Variants in BDP1 observed in about 807,000 individuals in gnomAD.
BDP1 encodes BDP1 general transcription factor IIIB subunit.
In BDP1, 169 loss-of-function variants were observed where a neutral mutation model predicts 266.6. That is an observed-to-expected ratio of 0.63 (90% CI 0.56 to 0.72). BDP1 has a LOEUF of 0.72. Among genes scored for constraint, BDP1 ranks in the 30% least tolerant of loss-of-function variants. The pLI, the probability that BDP1 is intolerant of heterozygous loss-of-function variation, is 0.00. For synonymous variants in BDP1, 1,090 were observed against 1,022.4 expected, an observed-to-expected ratio of 1.07 and a Z score of -1.26; for missense variants, 3,015 against 3,053.8, an observed-to-expected ratio of 0.99 and a Z score of 0.30.
At chr5:71,513,810 C>G (rs2150483482) in intron 19 of BDP1, among the ~76,000 whole-genome samples, 1 of 152,156 alleles carries the variant, frequency 6.6e-6, no homozygotes, top group African/African-American at 2.4e-5. Context: ...ACTTCCACCT[C>G]CCAGGTTCAA....
chr5:71,558,774 C>T (rs1214457471), intron 36 of BDP1, among the ~76,000 whole-genome samples: 1 of 150,558 alleles, frequency 6.6e-6, no homozygotes, highest in African/African-American at 2.4e-5. Context: ...TGCGGTGAGC[C>T]GAGATTGCGC....
intron 7 of BDP1, among the ~76,000 whole-genome samples, chr5:71,481,060 G>A (rs1289269594): frequency 6.6e-6 from 1 of 151,844 alleles, no homozygotes; most frequent in Non-Finnish European, 1.5e-5. Flanking sequence ...TGTAGTCCCA[G>A]CTACTTGGGA....
intron 14 of BDP1, 137 bp downstream of exon 14, chr5:71,501,790 G>C (rs1236933287): frequency 9.8e-6 from 6 of 611,378 alleles, no homozygotes; most frequent in East Asian, 8.4e-5. Context: ...TTCAACCATA[G>C]GTGGTTTTGA....
chr5:71,548,750 G>T lies in BDP1; in HGVS notation c.6808+5G>T. ...TCAATCCTCAAGACCTAACAGGTAT[G>T]ATAATATGCTTCAGTGACATGTCAT... is the stretch of plus-strand genomic sequence containing the variant. On this transcript the variant is annotated splice_donor_5th_base_variant and intron_variant, in intron 33 of 38. Transcript: ENST00000358731. The T allele has an allele frequency of 6.3e-7, 1 of 1,575,002 alleles. No homozygotes were observed. The highest frequency in any genetic ancestry group is 1.4e-5 in the African/African-American group (1 of 74,062).
At chr5:71,497,480 A>T in intron 13 of BDP1, 54 bp downstream of exon 13, 1 of 1,421,658 alleles carries the variant, frequency 7.0e-7, no homozygotes, top group Non-Finnish European at 9.6e-7. Context: ...TTCTTTAGAT[A>T]GTTGGGAATA....
intron 35 of BDP1, 134 bp from the exon 36 acceptor site, chr5:71,556,752 T>A: frequency 2.1e-6 from 1 of 483,100 alleles, no homozygotes; most frequent in Non-Finnish European, 3.7e-6. Flanking sequence ...TTGCCATAAA[T>A]GTTTAGTAGA....
intron 13 of BDP1, among the ~76,000 whole-genome samples, chr5:71,499,784 G>GT (rs1273918981): frequency 6.6e-6 from 1 of 151,820 alleles, no homozygotes; most frequent in African/African-American, 2.4e-5. Context: ...ATTTTTGTTT[G>GT]TTTTTTTAAC....
intron 33 of BDP1, among the ~76,000 whole-genome samples, chr5:71,549,014 A>G (rs1278052385): frequency 6.6e-6 from 1 of 152,042 alleles, no homozygotes; most frequent in Non-Finnish European, 1.5e-5. Context: ...GGAGGTGGGT[A>G]GATCACTTGA....
chr5:71,460,927 G>T (rs1761517268), intron 2 of BDP1, among the ~76,000 whole-genome samples: 1 of 152,144 alleles, frequency 6.6e-6, no homozygotes, highest in Non-Finnish European at 1.5e-5. Context: ...AAGATGTTTA[G>T]TTAGAAGGCA....
In BDP1 at chr5:71,509,865, A is replaced by C; in HGVS notation, c.2773A>C (p.Ile925Leu). Residue 925 changes from isoleucine to leucine, a missense_variant, in exon 17 of 39, where the codon ATA becomes CTA. Ile to Leu is a conservative substitution (Grantham distance 5, BLOSUM62 2). This residue lies in a region of BDP1 where 2,383 missense variants were observed against 2,404.9 expected (regional missense o/e 0.99). Coordinates refer to ENST00000358731, the MANE Select transcript of BDP1 (RefSeq NM_018429.3). Reference protein sequence around the residue: ...TPEVIDATEEIDKDLEEAGRR... With the variant: ...TPEVIDATEELDKDLEEAGRR... ...AGAGGTGATTGATGCCACTGAGGAA[A>C]TAGACAAAGATTTGGAAGAAGCTGG... is the stretch of plus-strand genomic sequence containing the variant. The C allele has an allele frequency of 6.2e-7, 1 of 1,614,168 alleles. No individual in the cohort carries two copies. The highest frequency in any genetic ancestry group is 8.5e-7 in the Non-Finnish European group (1 of 1,180,022).
At chr5:71,457,182 A>G (rs1761246972) in intron 1 of BDP1, among the ~76,000 whole-genome samples, 1 of 151,358 alleles carries the variant, frequency 6.6e-6, no homozygotes, top group Non-Finnish European at 1.5e-5. Flanking sequence ...TTGCCCAAAG[A>G]TTGTAGTTTT....
Position 71,470,574 on chromosome 5 carries a change from A to G in BDP1, c.1014+85A>G, listed in dbSNP as rs947027076. 1.1e-5 allele frequency: 10 copies of G among 925,392 alleles called. No individual in the cohort carries two copies. In the Admixed American group the frequency reaches 2.8e-4, roughly 26 times the overall value. The allele number at this position is 925,392 out of a possible 1,614,324, so 57.3% of individuals were successfully genotyped here. A position where few individuals can be genotyped will look rare whatever the true frequency, so the allele number is the denominator to read the frequency against. On this transcript the variant is annotated intron_variant, in intron 7 of 38. Coordinates refer to ENST00000358731, the MANE Select transcript of BDP1 (RefSeq NM_018429.3). ...AGTATTATTCGCTTACCTTTGGTTT[A>G]AATCTTAGTTCATCTTTTTTTTTTT...
At chr5:71,561,972 C>T (rs1040448038) in intron 37 of BDP1, among the ~76,000 whole-genome samples, 2 of 151,934 alleles carry the variant, frequency 1.3e-5, no homozygotes, top group African/African-American at 4.8e-5. Context: ...TGGCTGGGTG[C>T]GGTGGCTCAC....
chr5:71,558,969 C>T (rs1176968904), intron 36 of BDP1, among the ~76,000 whole-genome samples: 1 of 152,050 alleles, frequency 6.6e-6, no homozygotes, highest in Non-Finnish European at 1.5e-5. Flanking sequence ...GCCTGGACAA[C>T]ATGGTGAAAC....
At position 71,510,787 on chromosome 5, in the gene BDP1, A is replaced by C; in HGVS notation, c.3695A>C (p.Glu1232Ala). ...KMETDLKEIR[E>A]EISQREKVLA... The stretch of plus-strand genomic sequence containing the variant: ...GAGACAGATTTGAAAGAAATTAGAG[A>C]AGAAATTTCCCAAAGGGAAAAGGTG... Residue 1232 changes from glutamate to alanine, a missense_variant, in exon 17 of 39, where the codon GAA becomes GCA. This residue lies in a region of BDP1 where 2,383 missense variants were observed against 2,404.9 expected (regional missense o/e 0.99). Transcript: ENST00000358731. The C allele has an allele frequency of 6.8e-6, 11 of 1,613,846 alleles. No individual in the cohort carries two copies. Among genetic ancestry groups the C allele is most frequent in the African/African-American group, 1.3e-5 (1 of 75,028 alleles).
chr5:71,498,335 A>T lies in BDP1; in HGVS notation c.1956+909A>T, dbSNP rs143396181. On this transcript the variant is annotated intron_variant, in intron 13 of 38. Coordinates refer to ENST00000358731, the MANE Select transcript of BDP1 (RefSeq NM_018429.3). The stretch of plus-strand genomic sequence containing the variant: ...GGTTTCTAACTCCTGGCCTCAAGTG[A>T]TTCTCCTGCCTCAGCTTCCCAGTGT... Among the ~76,000 whole-genome samples, 946 of 152,222 alleles carry T rather than the reference A, an allele frequency of 6.2e-3. 15 individuals are homozygous for T. The highest frequency in any genetic ancestry group is 0.022 in the African/African-American group (904 of 41,534).
intron 37 of BDP1, among the ~76,000 whole-genome samples, chr5:71,561,507 G>A (rs277940): frequency 0.36 from 54,527 of 152,194 alleles, 11,247 homozygotes; most frequent in Non-Finnish European, 0.46. Flanking sequence ...AATGGCATTT[G>A]TATATATTTT....
downstream of BDP1, among the ~76,000 whole-genome samples, chr5:71,570,876 G>T (rs1016896351): frequency 2.0e-5 from 3 of 152,158 alleles, no homozygotes; most frequent in Admixed American, 6.5e-5. Context: ...TTATGGTTAG[G>T]GGGTGTCTGA....
Position 71,509,724 on chromosome 5 carries a change from G to T in BDP1, c.2632G>T (p.Gly878Ter), listed in dbSNP as rs1422596493. ...AATGCAGTCAGATTTAAAAGAAACT[G>T]GAAGAAGAGCCATTTCTCCCAGGGA... ...KEMQSDLKET[G>*]RRAISPREKI... The change falls in exon 17 of 39, where the codon GGA becomes TGA. Residue 878 changes from glycine to a stop codon, truncating the protein, a stop_gained. Coordinates refer to ENST00000358731, the MANE Select transcript of BDP1 (RefSeq NM_018429.3). LOFTEE classifies it high-confidence loss of function. 1 of 1,614,010 alleles carries T rather than the reference G, an allele frequency of 6.2e-7. No homozygotes were observed. The highest frequency in any genetic ancestry group is 2.2e-5 in the East Asian group (1 of 44,880).
Sources: gnomAD v4.1 joint callset for allele counts (sites outside exome capture counted in the v4.1 genomes callset) on GRCh38, gnomAD v4.1.1 for gene constraint, gnomAD v4.1.1 regional missense constraint, MANE v1.5 for transcripts, NCBI Gene and HGNC (gene_info 2026-07-23, HGNC 2026-07-21) for gene names.